The following PTPRR variants were observed in gnomAD, a reference collection of about 807,000 sequenced individuals.
The protein encoded by PTPRR is protein tyrosine phosphatase receptor type R.
In PTPRR, 38 loss-of-function variants were observed where a neutral mutation model predicts 77.2. That is an observed-to-expected ratio of 0.49 (90% CI 0.38 to 0.65). The LOEUF is 0.65. PTPRR is among the 30% of genes least tolerant of loss of function. PTPRR has a pLI of 0.00. For synonymous variants in PTPRR, 299 were observed against 283.1 expected (o/e 1.06, Z -0.57); for missense variants, 744 against 799.2 (o/e 0.93, Z 0.83).
intron 12 of PTPRR, 23 bp downstream of exon 12, chr12:70,660,917 A>G (rs1886775143): frequency 1.3e-6 from 2 of 1,594,898 alleles, no homozygotes; most frequent in Non-Finnish European, 8.5e-7. Flanking sequence ...TTGCTTAGAC[A>G]GAAAGGACCA....
chr12:70,806,548 G>T (rs1412008310), intron 2 of PTPRR, among the ~76,000 whole-genome samples: 1 of 152,102 alleles, frequency 6.6e-6, no homozygotes, highest in Non-Finnish European at 1.5e-5. Context: ...AAGCAATAAA[G>T]GTCCCCTATG....
chr12:70,747,569 TTA>T (rs369500977), intron 5 of PTPRR, among the ~76,000 whole-genome samples: 1 of 152,204 alleles, frequency 6.6e-6, no homozygotes, highest in African/African-American at 2.4e-5. Flanking sequence ...CAGGTCAATT[TTA>T]TGATTTATAT....
chr12:70,743,487 T>C (rs1890117155), intron 6 of PTPRR, among the ~76,000 whole-genome samples: 1 of 152,162 alleles, frequency 6.6e-6, no homozygotes. Context: ...AAGAACCTAT[T>C]TGTATGCTGA....
At chr12:70,685,473 C>CAAAAAAAAAAAAAAA (rs61205959) in intron 8 of PTPRR, among the ~76,000 whole-genome samples, 45 of 60,976 alleles carry the variant, frequency 7.4e-4, no homozygotes, top group South Asian at 2.8e-3. Flanking sequence ...GACTTCATCT[C>CAAAAAAAAAAAAAAA]AAAAAAAAAA....
intron 2 of PTPRR, among the ~76,000 whole-genome samples, chr12:70,773,224 A>C (rs1343469799): frequency 6.6e-6 from 1 of 152,146 alleles, no homozygotes; most frequent in Non-Finnish European, 1.5e-5. Flanking sequence ...TGTTACACCT[A>C]CAACAACCTT....
chr12:70,752,006 T>A (rs948083225), intron 5 of PTPRR, among the ~76,000 whole-genome samples: 5 of 152,208 alleles, frequency 3.3e-5, no homozygotes, highest in Admixed American at 1.3e-4. Flanking sequence ...TCGTTCCCTT[T>A]CTCTGAAATC....
At chr12:70,654,201 A>T (rs1010615252) in intron 13 of PTPRR, among the ~76,000 whole-genome samples, 1 of 152,190 alleles carries the variant, frequency 6.6e-6, no homozygotes, top group South Asian at 2.1e-4. Flanking sequence ...ATTTTTCAGA[A>T]TAATCTTCTT....
At chr12:70,670,704 T>C (rs954904180) in intron 10 of PTPRR, among the ~76,000 whole-genome samples, 1 of 152,200 alleles carries the variant, frequency 6.6e-6, no homozygotes, top group African/African-American at 2.4e-5. Context: ...AAAAACTACT[T>C]GCCATTTTGG....
intron 2 of PTPRR, among the ~76,000 whole-genome samples, chr12:70,800,302 G>C (rs1436519790): frequency 2.7e-5 from 4 of 147,562 alleles, no homozygotes; most frequent in Non-Finnish European, 4.5e-5. Context: ...TATAGAGCTT[G>C]ATGTGGAAGT....
intron 8 of PTPRR, among the ~76,000 whole-genome samples, chr12:70,694,344 A>C (rs2136763199): frequency 6.6e-6 from 1 of 152,320 alleles, no homozygotes; most frequent in Non-Finnish European, 1.5e-5. Flanking sequence ...AGAAATATGC[A>C]TACAATTTAT....
At position 70,698,323 on chromosome 12, in the gene PTPRR, G is replaced by T. The variant is rs770162706; in HGVS notation, c.1221C>A (p.Pro407=). The T allele has an allele frequency of 2.5e-6, 4 of 1,612,058 alleles. No homozygotes were observed. Among genetic ancestry groups the T allele is most frequent in the Non-Finnish European group, 3.4e-6 (4 of 1,178,870 alleles). ...FMEIPMNFVD[P]KEIDIPRHGT... ...CATGACGCGGAATATCAATTTCTTT[G>T]GGATCCACAAAGTTCATTGGTATTT... is the stretch of plus-strand genomic sequence containing the variant. Residue 407 remains proline, a synonymous_variant, in exon 8 of 14, where the codon CCC becomes CCA. Transcript: ENST00000283228.
intron 1 of PTPRR, 119 bp from the exon 2 acceptor site, chr12:70,893,096 G>A (rs1893367530): frequency 9.1e-7 from 1 of 1,095,410 alleles, no homozygotes; most frequent in Non-Finnish European, 1.3e-6. Flanking sequence ...AAGGATTTAG[G>A]TTAGTCTCCA....
intron 6 of PTPRR, among the ~76,000 whole-genome samples, chr12:70,701,640 C>G (rs551202920): frequency 6.6e-5 from 10 of 152,168 alleles, no homozygotes; most frequent in Admixed American, 2.0e-4. Flanking sequence ...TTAGGAAAAG[C>G]TATATCTATA....
chr12:70,910,361 T>G (rs1893682776), intron 1 of PTPRR, among the ~76,000 whole-genome samples: 1 of 152,224 alleles, frequency 6.6e-6, no homozygotes, highest in African/African-American at 2.4e-5. Context: ...AGGCATATTT[T>G]TGTTGTTTCT....
chr12:70,711,665 T>A (rs1888833339), intron 6 of PTPRR, among the ~76,000 whole-genome samples: 1 of 152,116 alleles, frequency 6.6e-6, no homozygotes, highest in Non-Finnish European at 1.5e-5. Flanking sequence ...TAAATTTGTT[T>A]TTAGTCATTG....
At chr12:70,658,214 C>G (rs1373296523) in intron 12 of PTPRR, among the ~76,000 whole-genome samples, 2 of 152,142 alleles carry the variant, frequency 1.3e-5, no homozygotes, top group Non-Finnish European at 2.9e-5. Flanking sequence ...ACAATGTTTT[C>G]TTGGTCAGAA....
intron 10 of PTPRR, among the ~76,000 whole-genome samples, chr12:70,682,296 G>A (rs930025238): frequency 6.6e-6 from 1 of 151,836 alleles, no homozygotes; most frequent in African/African-American, 2.4e-5. Context: ...GCCCGCCTCG[G>A]CCTCCCAAAG....
chr12:70,880,463 T>C (rs1184779300), intron 2 of PTPRR, among the ~76,000 whole-genome samples: 1 of 152,194 alleles, frequency 6.6e-6, no homozygotes, highest in East Asian at 1.9e-4. Context: ...ATATCCAGTG[T>C]AAGGTAGTCC....
At chr12:70,806,640 A>C (rs1346922501) in intron 2 of PTPRR, among the ~76,000 whole-genome samples, 1 of 152,184 alleles carries the variant, frequency 6.6e-6, no homozygotes, top group Non-Finnish European at 1.5e-5. Context: ...AGATCCAGAC[A>C]TATCATACTA....
Sources: allele counts gnomAD v4.1 joint callset (sites outside exome capture counted in the v4.1 genomes callset), GRCh38; gene constraint gnomAD v4.1.1; transcripts MANE v1.5; gene names NCBI Gene and HGNC (gene_info 2026-07-23, HGNC 2026-07-21).